Variants in DLG2 observed in about 807,000 individuals in gnomAD.
The protein encoded by DLG2 is discs large MAGUK scaffold protein 2.
DLG2 carries 45 observed loss-of-function variants against 132.5 expected under a neutral mutation model. The ratio of observed to expected loss-of-function variants is 0.34; its 90% CI spans 0.27 to 0.44. DLG2 has a LOEUF of 0.44. DLG2 is among the 20% of genes least tolerant of loss of function. The pLI, the probability that DLG2 is intolerant of heterozygous loss-of-function variation, is 1.00. For synonymous variants in DLG2, 424 were observed against 419.6 expected (o/e 1.01, Z -0.13); for missense variants, 1,045 against 1,196.9 (o/e 0.87, Z 1.87).
At chr11:84,145,398 T>A (rs549149849) in intron 9 of DLG2, among the ~76,000 whole-genome samples, 3 of 152,216 alleles carry the variant, frequency 2.0e-5, no homozygotes, top group Non-Finnish European at 4.4e-5. Context: ...ACAATCAATA[T>A]GTTAATACTG....
chr11:85,121,431 A>C (rs556381790), intron 5 of DLG2, among the ~76,000 whole-genome samples: 19 of 151,596 alleles, frequency 1.3e-4, no homozygotes, highest in Middle Eastern at 3.4e-3. Context: ...AATTTTCCCC[A>C]AAAAATACCA....
Position 83,724,458 on chromosome 11 carries a change from CGTGT to C in DLG2, c.1825+62228_1825+62231del, listed in dbSNP as rs150976898. On this transcript the variant is annotated intron_variant, in intron 18 of 27. Coordinates refer to ENST00000376104, the MANE Select transcript of DLG2 (RefSeq NM_001142699.3). ...ACATTCCTTAATCAATCTCTCTCTC[CGTGT>C]GTGTGTGTGTGTGTGAGAGAGAGAG... 1.6e-4 allele frequency among the ~76,000 whole-genome samples: 19 copies of C among 121,494 alleles called. 1 individual carries two copies. The highest frequency in any genetic ancestry group is 1.8e-4 in the Non-Finnish European group (11 of 60,910). 79.7% of individuals were successfully genotyped at this position (121,494 alleles called of 152,430 possible).
At chr11:85,499,324 G>T (rs1425481636) in intron 3 of DLG2, among the ~76,000 whole-genome samples, 2 of 152,284 alleles carry the variant, frequency 1.3e-5, no homozygotes, top group Non-Finnish European at 1.5e-5. Flanking sequence ...ACACTTCTAT[G>T]CAAATAAACT....
rs1481078269 is a variant in DLG2, at chr11:84,430,486, A to G, written c.519+104084T>C. 2.6e-5 allele frequency among the ~76,000 whole-genome samples: 4 copies of G among 152,092 alleles called. No homozygotes were observed. In the East Asian group the frequency reaches 7.7e-4, roughly 29 times the overall value. ...AAAAAGAGAAGGAAATGCAGCTAAT[A>G]AGAGTACCTCAGAAGGCTGTAGTAA... On this transcript the variant is annotated intron_variant, in intron 7 of 27. Coordinates refer to ENST00000376104, the MANE Select transcript of DLG2 (RefSeq NM_001142699.3).
chr11:83,625,269 T>C (rs898793939), intron 19 of DLG2, among the ~76,000 whole-genome samples: 1 of 152,202 alleles, frequency 6.6e-6, no homozygotes, highest in Non-Finnish European at 1.5e-5. Context: ...ACGGATTTTA[T>C]GGCTTTGCCT....
At chr11:84,970,280 C>G (rs1274186380) in intron 6 of DLG2, among the ~76,000 whole-genome samples, 1 of 152,090 alleles carries the variant, frequency 6.6e-6, no homozygotes, top group Non-Finnish European at 1.5e-5. Flanking sequence ...AGAACTTCCC[C>G]CATCCCATCT....
intron 7 of DLG2, among the ~76,000 whole-genome samples, chr11:84,409,322 C>G (rs1039293522): frequency 2.0e-5 from 3 of 152,276 alleles, no homozygotes; most frequent in East Asian, 3.9e-4. Context: ...CACAGGATCT[C>G]CTACCAACAG....
chr11:85,028,328 A>G (rs1205793490), intron 6 of DLG2, among the ~76,000 whole-genome samples: 2 of 152,158 alleles, frequency 1.3e-5, no homozygotes, highest in Non-Finnish European at 2.9e-5. Flanking sequence ...AAAAAGCACC[A>G]TAAGTTCTCA....
chr11:85,156,637 C>T (rs2077607529), intron 4 of DLG2, among the ~76,000 whole-genome samples: 1 of 152,162 alleles, frequency 6.6e-6, no homozygotes, highest in African/African-American at 2.4e-5. Flanking sequence ...TAGTAAGGAC[C>T]TGTCCTCTGA....
At chr11:83,565,965 G>A (rs764798277) in intron 19 of DLG2, among the ~76,000 whole-genome samples, 3 of 152,188 alleles carry the variant, frequency 2.0e-5, no homozygotes, top group Non-Finnish European at 2.9e-5. Flanking sequence ...GAGAGTTTCT[G>A]CAATAGCAAC....
intron 6 of DLG2, among the ~76,000 whole-genome samples, chr11:84,924,072 A>G (rs998036447): frequency 2.6e-5 from 4 of 152,102 alleles, no homozygotes; most frequent in African/African-American, 9.7e-5. Flanking sequence ...GAGAAAAATA[A>G]AAGCTTCTGC....
chr11:84,725,633 G>A (rs2153804376), intron 6 of DLG2, among the ~76,000 whole-genome samples: 2 of 152,180 alleles, frequency 1.3e-5, no homozygotes, highest in South Asian at 4.1e-4. Context: ...ATACAATTAA[G>A]AACGAACAAA....
intron 6 of DLG2, among the ~76,000 whole-genome samples, chr11:84,983,583 A>G (rs1226987716): frequency 6.6e-6 from 1 of 152,192 alleles, no homozygotes; most frequent in Non-Finnish European, 1.5e-5. Flanking sequence ...TGAAAAAACA[A>G]GGTTCTTTAA....
chr11:83,773,841 C>A (rs901779107), intron 18 of DLG2, among the ~76,000 whole-genome samples: 13 of 152,214 alleles, frequency 8.5e-5, no homozygotes, highest in African/African-American at 2.7e-4. Context: ...ACAGACAAAA[C>A]ATGATGCTCT....
At chr11:84,651,255 A>G (rs565196199) in intron 6 of DLG2, among the ~76,000 whole-genome samples, 1 of 152,134 alleles carries the variant, frequency 6.6e-6, no homozygotes, top group South Asian at 2.1e-4. Context: ...CTTTTCATCT[A>G]TAAGTTCTTC....
chr11:84,895,240 T>A (rs908242920), intron 6 of DLG2, among the ~76,000 whole-genome samples: 1 of 151,980 alleles, frequency 6.6e-6, no homozygotes, highest in African/African-American at 2.4e-5. Flanking sequence ...AAAAAATAAA[T>A]AGAAGAAGAA....
At chr11:83,870,327 T>C (rs1002101763) in intron 16 of DLG2, among the ~76,000 whole-genome samples, 1 of 152,224 alleles carries the variant, frequency 6.6e-6, no homozygotes, top group Non-Finnish European at 1.5e-5. Flanking sequence ...TGTGTATATA[T>C]TATTTAGCTC....
Position 84,309,067 on chromosome 11 carries a change from G to A in DLG2, c.520-57776C>T, listed in dbSNP as rs1352308723. ...GAGGAGGCACCGAGAGCAAGCAAGG[G>A]CTGCGAGGACTGCCAGCACGCTGTC... On this transcript the variant is annotated intron_variant, in intron 7 of 27. Coordinates refer to ENST00000376104, the MANE Select transcript of DLG2 (RefSeq NM_001142699.3). Among the ~76,000 whole-genome samples the A allele has an allele frequency of 4.6e-5, 7 of 152,166 alleles. No individual in the cohort carries two copies. The East Asian group carries it at 1.4e-3, about 29-fold the overall frequency.
At chr11:84,241,006 T>A (rs1362897078) in intron 8 of DLG2, among the ~76,000 whole-genome samples, 1 of 152,234 alleles carries the variant, frequency 6.6e-6, no homozygotes, top group Non-Finnish European at 1.5e-5. Context: ...GTGCTCCATA[T>A]GGATGAAACT....
Sources: gnomAD v4.1 joint callset for allele counts (sites outside exome capture counted in the v4.1 genomes callset) on GRCh38, gnomAD v4.1.1 for gene constraint, MANE v1.5 for transcripts, NCBI Gene and HGNC (gene_info 2026-07-23, HGNC 2026-07-21) for gene names.